ATG4A: variants seen among roughly 807,000 people sequenced by gnomAD.
The protein encoded by ATG4A is cysteine protease ATG4A.
A neutral mutation model predicts 38.4 loss-of-function variants in ATG4A; 22 were observed. The ratio of observed to expected loss-of-function variants is 0.57; its 90% confidence interval spans 0.41 to 0.82. ATG4A has a LOEUF of 0.82. Ranked by LOEUF, ATG4A falls within the 40% of genes least tolerant of loss-of-function variation. ATG4A has a pLI of 0.00. For missense variants in ATG4A, 220 were observed against 290.0 expected, an observed-to-expected ratio of 0.76 and a Z score of 1.75; for synonymous variants, 86 against 100.7, an observed-to-expected ratio of 0.85 and a Z score of 0.88.
chrX:108,114,732 T>C (rs2032456612), intron 1 of ATG4A, among the ~76,000 whole-genome samples: 1 of 110,869 alleles, frequency 9.0e-6, no homozygotes, highest in Non-Finnish European at 1.9e-5. Flanking sequence ...TGGTGGTTTT[T>C]AATTGGTAAA....
At chrX:108,127,493 T>C (rs1375451158) in intron 2 of ATG4A, among the ~76,000 whole-genome samples, 1 of 111,899 alleles carries the variant, frequency 8.9e-6, no homozygotes, top group Non-Finnish European at 1.9e-5. Flanking sequence ...CATTTATGGA[T>C]GAGGAAACTG....
At chrX:108,149,223 A>G (rs2033517404) in intron 9 of ATG4A, among the ~76,000 whole-genome samples, 1 of 112,787 alleles carries the variant, frequency 8.9e-6, no homozygotes. Context: ...GGCAGCAGGT[A>G]GATCTCTCCT....
chrX:108,129,791 C>T (rs1182753490), intron 3 of ATG4A, among the ~76,000 whole-genome samples: 6 of 108,554 alleles, frequency 5.5e-5, no homozygotes, highest in Admixed American at 2.0e-4. Context: ...AGGATGGTCT[C>T]GATCTCCTGA....
chrX:108,129,672 G>A (rs1277103403), intron 3 of ATG4A, among the ~76,000 whole-genome samples: 4 of 105,464 alleles, frequency 3.8e-5, no homozygotes, highest in African/African-American at 1.4e-4. Context: ...CTGGGTTCAC[G>A]CCATTCTCCT....
chrX:108,112,510 GC>G (rs1207947707), intron 1 of ATG4A, among the ~76,000 whole-genome samples: 2 of 109,715 alleles, frequency 1.8e-5, no homozygotes, highest in Non-Finnish European at 3.8e-5. Flanking sequence ...TCCTGCCTCA[GC>G]CTCCTCAGTA....
At chrX:108,128,760 T>C in intron 2 of ATG4A, 21 bp from the exon 3 acceptor site, 1 of 1,104,537 alleles carries the variant, frequency 9.1e-7, no homozygotes, top group African/African-American at 1.8e-5. Context: ...GATTTAATTT[T>C]AATTTTACAT....
At chrX:108,101,421 C>T (rs1323776602) in intron 1 of ATG4A, among the ~76,000 whole-genome samples, 1 of 107,559 alleles carries the variant, frequency 9.3e-6, no homozygotes, top group East Asian at 3.0e-4. Flanking sequence ...CTTACTTCTG[C>T]TTGCTTTCAG....
In ATG4A at chrX:108,122,041, C is replaced by T. The variant is rs374293217; in HGVS notation, c.11-4036C>T. Among the ~76,000 whole-genome samples the T allele has an allele frequency of 3.6e-5, 4 of 111,501 alleles. No individual in the cohort carries two copies. In the East Asian group the frequency reaches 8.4e-4, roughly 24 times the overall value. On this transcript the variant is annotated intron_variant, in intron 1 of 12. Transcript: ENST00000372232. Reference sequence around the variant, plus strand: ...AAGGAGGTTATCCTATATCTCAGACCCCTCCTGGCCCTGAGATTCTATGGC... The same window carrying T: ...AAGGAGGTTATCCTATATCTCAGACTCCTCCTGGCCCTGAGATTCTATGGC...
intron 1 of ATG4A, among the ~76,000 whole-genome samples, chrX:108,109,108 C>A (rs2032279458): frequency 8.9e-6 from 1 of 111,734 alleles, no homozygotes; most frequent in Non-Finnish European, 1.9e-5. Context: ...GCACTTGTAC[C>A]ATTTTACAAT....
At chrX:108,115,938 A>G (rs1326271688) in intron 1 of ATG4A, among the ~76,000 whole-genome samples, 1 of 112,204 alleles carries the variant, frequency 8.9e-6, no homozygotes, top group African/African-American at 3.2e-5. Context: ...CAGACATTAG[A>G]GACTATTTTT....
intron 9 of ATG4A, among the ~76,000 whole-genome samples, chrX:108,141,095 T>C (rs1444027588): frequency 1.2e-5 from 1 of 80,480 alleles, no homozygotes; most frequent in East Asian, 3.6e-4. Flanking sequence ...TATATATATA[T>C]ATATATATAT....
chrX:108,126,719 A>G, intron 2 of ATG4A: 2 of 968,327 alleles, frequency 2.1e-6, no homozygotes, highest in Admixed American at 3.1e-5. Flanking sequence ...CTGATTTTGT[A>G]TAGAACTTTT....
Position 108,138,143 on chromosome X carries a change from G to A in ATG4A, c.766G>A (p.Ala256Thr). Residue 256 changes from alanine (A) to threonine (T), a missense_variant, in exon 9 of 13, where the codon GCA becomes ACA. Physicochemically the swap from Ala to Thr is moderately conservative, Grantham distance 58. Coordinates refer to ENST00000372232, the MANE Select transcript of ATG4A (RefSeq NM_052936.5). Reference protein sequence around the residue: ...ECFKMPQSLGALGGKPNNAYY... With the variant: ...ECFKMPQSLGTLGGKPNNAYY... ...TTTTAAGATGCCACAGTCTTTAGGG[G>A]CATTAGGAGGAAAACCAAATAACGC... is the stretch of plus-strand genomic sequence containing the variant. The A allele has an allele frequency of 8.3e-7, 1 of 1,210,773 alleles. No homozygotes were observed. Among genetic ancestry groups the A allele is most frequent in the Non-Finnish European group, 1.1e-6 (1 of 894,684 alleles).
At chrX:108,140,720 TATAA>T (rs750340881) in intron 9 of ATG4A, among the ~76,000 whole-genome samples, 19 of 101,281 alleles carry the variant, frequency 1.9e-4, no homozygotes, top group Non-Finnish European at 3.3e-4. Flanking sequence ...ACATTGTATA[TATAA>T]ATAAATGTAT....
upstream of ATG4A, chrX:108,088,841 T>A: frequency 8.6e-7 from 1 of 1,169,557 alleles, no homozygotes; most frequent in Non-Finnish European, 1.2e-6. Flanking sequence ...TGCAATGCAG[T>A]TCTGCTGTCC....
chrX:108,110,074 A>G (rs1440883303), intron 1 of ATG4A, among the ~76,000 whole-genome samples: 1 of 109,238 alleles, frequency 9.2e-6, no homozygotes, highest in South Asian at 4.0e-4. Context: ...TTTTATAAAT[A>G]TGTGTAGTGA....
At chrX:108,093,238 C>A (rs1182892690) in intron 1 of ATG4A, among the ~76,000 whole-genome samples, 3 of 111,811 alleles carry the variant, frequency 2.7e-5, no homozygotes, top group Non-Finnish European at 5.6e-5. Context: ...CATTCCCAGC[C>A]CCAGACAACC....
upstream of ATG4A, chrX:108,091,574 G>C (rs1389358041): frequency 4.5e-6 from 5 of 1,111,407 alleles, no homozygotes; most frequent in African/African-American, 5.4e-5. Flanking sequence ...TCACGTCGCC[G>C]GCTCCGGCTA....
intron 9 of ATG4A, among the ~76,000 whole-genome samples, chrX:108,142,235 C>T (rs1015209706): frequency 9.1e-6 from 1 of 110,483 alleles, no homozygotes; most frequent in Non-Finnish European, 1.9e-5. Flanking sequence ...GGTGAAATGC[C>T]GTCTATACCA....
Sources: gnomAD v4.1 joint callset for allele counts (sites outside exome capture counted in the v4.1 genomes callset) on GRCh38, gnomAD v4.1.1 for gene constraint, MANE v1.5 for transcripts, NCBI Gene and HGNC (gene_info 2026-07-23, HGNC 2026-07-21) for gene names.